CDH23: variants seen among roughly 807,000 people sequenced by gnomAD.
CDH23 encodes the protein cadherin-23.
Under a neutral mutation model 317.1 loss-of-function variants are expected in CDH23, and 189 were observed. The ratio of observed to expected loss-of-function variants is 0.60; its 90% CI spans 0.53 to 0.67. The LOEUF is 0.67. Ranked by LOEUF, CDH23 falls within the 30% of genes least tolerant of loss-of-function variation. CDH23 has a pLI of 0.00. For missense variants in CDH23, 4,401 were observed against 4,592.4 expected, an observed-to-expected ratio of 0.96 and a Z score of 1.20; for synonymous variants, 1,839 against 1,876.8, an observed-to-expected ratio of 0.98 and a Z score of 0.52.
At chr10:71,734,499 T>G in intron 33 of CDH23, 157 bp from the exon 34 acceptor site, 1 of 976,664 alleles carries the variant, frequency 1.0e-6, no homozygotes, top group Non-Finnish European at 1.2e-6. Flanking sequence ...TGCCACACCT[T>G]CCCAGCAGGT....
At chr10:71,594,149 A>C (rs1319662557) in intron 9 of CDH23, among the ~76,000 whole-genome samples, 1 of 152,226 alleles carries the variant, frequency 6.6e-6, no homozygotes, top group East Asian at 1.9e-4. Context: ...TGAGGGTAGT[A>C]AACATGATCT....
At chr10:71,648,104 G>A (rs77826271) in intron 14 of CDH23, among the ~76,000 whole-genome samples, 2,414 of 152,294 alleles carry the variant, frequency 0.016, 67 homozygotes, top group African/African-American at 0.055. Flanking sequence ...CAGATGTTTA[G>A]CCAGTCAGGC....
intron 6 of CDH23, among the ~76,000 whole-genome samples, chr10:71,523,961 G>A (rs61851649): frequency 0.023 from 3,495 of 152,196 alleles, 58 homozygotes; most frequent in African/African-American, 0.043. Context: ...GCCTTTGCAC[G>A]GCCTTTCTAC....
chr10:71,462,017 G>T (rs769253373), intron 3 of CDH23, among the ~76,000 whole-genome samples: 3 of 152,238 alleles, frequency 2.0e-5, no homozygotes, highest in Non-Finnish European at 4.4e-5. Context: ...GTCAGCTCCT[G>T]GCAGCGCCTG....
At chr10:71,791,710 G>C (rs940847936) in intron 47 of CDH23, among the ~76,000 whole-genome samples, 1 of 151,666 alleles carries the variant, frequency 6.6e-6, no homozygotes, top group African/African-American at 2.4e-5. Context: ...CGAGTAGCTG[G>C]GATTACAGGC....
At chr10:71,685,066 G>A (rs948424595) in intron 18 of CDH23, among the ~76,000 whole-genome samples, 1 of 152,196 alleles carries the variant, frequency 6.6e-6, no homozygotes, top group Non-Finnish European at 1.5e-5. Flanking sequence ...ATGTTGACAT[G>A]CTTTCCACCA....
chr10:71,515,394 T>TCTCTCTCTCTCTCTCTCACACACACA (rs1491490493), intron 6 of CDH23, among the ~76,000 whole-genome samples: 3 of 26,622 alleles, frequency 1.1e-4, no homozygotes, highest in South Asian at 1.9e-3. Flanking sequence ...TCTCTCTCTC[T>TCTCTCTCTCTCTCTCTCACACACACA]CACACACACA....
At chr10:71,813,472 A>C in intron 69 of CDH23, 124 bp downstream of exon 69, 1 of 840,304 alleles carries the variant, frequency 1.2e-6, no homozygotes, top group Non-Finnish European at 1.9e-6. Context: ...AAAGACAGCA[A>C]TGGGTGGGGG....
intron 8 of CDH23, among the ~76,000 whole-genome samples, chr10:71,574,210 G>T (rs190478857): frequency 1.3e-5 from 2 of 151,620 alleles, no homozygotes; most frequent in Non-Finnish European, 2.9e-5. Context: ...CTCACAGCAT[G>T]TATGCCTCCC....
At chr10:71,574,088 G>A (rs1857998362) in intron 8 of CDH23, among the ~76,000 whole-genome samples, 1 of 151,950 alleles carries the variant, frequency 6.6e-6, no homozygotes, top group South Asian at 2.1e-4. Context: ...GGCCTGTTCT[G>A]CCTCCCAGGC....
intron 6 of CDH23, among the ~76,000 whole-genome samples, chr10:71,557,757 G>T (rs150668819): frequency 6.6e-6 from 1 of 152,088 alleles, no homozygotes; most frequent in Non-Finnish European, 1.5e-5. Flanking sequence ...ATGAAATTTG[G>T]TGCCACTTTG....
chr10:71,421,544 AC>A, intron 1 of CDH23, among the ~76,000 whole-genome samples: 1 of 152,228 alleles, frequency 6.6e-6, no homozygotes, highest in Non-Finnish European at 1.5e-5. Context: ...CTGGGAAAAT[AC>A]AAAACTCATT....
At chr10:71,714,585 GT>G (rs549602253) in intron 28 of CDH23, 3 of 152,466 alleles carry the variant, frequency 2.0e-5, no homozygotes, top group African/African-American at 7.2e-5. Context: ...AGGTCTTTCA[GT>G]TTTCCTGGAG....
At chr10:71,715,219 G>A (rs1866154761) in intron 28 of CDH23, 2 of 152,332 alleles carry the variant, frequency 1.3e-5, no homozygotes, top group South Asian at 4.1e-4. Context: ...CCTGGCCTCT[G>A]AAGGGAGCCT....
intron 6 of CDH23, among the ~76,000 whole-genome samples, chr10:71,538,232 G>A (rs187935062): frequency 2.0e-5 from 3 of 152,268 alleles, no homozygotes; most frequent in African/African-American, 4.8e-5. Flanking sequence ...AGGGGTTGAC[G>A]AAAGCTGAGA....
intron 6 of CDH23, among the ~76,000 whole-genome samples, chr10:71,544,152 G>A (rs766733694): frequency 6.6e-6 from 1 of 152,156 alleles, no homozygotes. Context: ...CTTTCCTGAG[G>A]TTAGAAGCTA....
chr10:71,658,484 T>A (rs772043093), intron 14 of CDH23, among the ~76,000 whole-genome samples: 1 of 152,242 alleles, frequency 6.6e-6, no homozygotes, highest in Non-Finnish European at 1.5e-5. Flanking sequence ...GTCCCGCCTT[T>A]GAAGCACTCC....
Position 71,807,514 on chromosome 10 carries a change from A to G in CDH23, c.8309-2A>G, listed in dbSNP as rs1204114946. 6.2e-7 allele frequency: 1 copy of G among 1,613,458 alleles called. No individual in the cohort carries two copies. Reference sequence around the variant, plus strand: ...CACCCTGTGCCATGATCCCACCCTCAGCCGGCAACGAAGAGAAGAACTTCC... The same window carrying G: ...CACCCTGTGCCATGATCCCACCCTCGGCCGGCAACGAAGAGAAGAACTTCC... On this transcript the variant is annotated splice_acceptor_variant, in intron 58 of 69. Coordinates refer to ENST00000224721, the MANE Select transcript of CDH23 (RefSeq NM_022124.6). LOFTEE classifies it high-confidence loss of function.
chr10:71,434,604 GC>G (rs1033568874), intron 1 of CDH23, among the ~76,000 whole-genome samples: 2 of 152,110 alleles, frequency 1.3e-5, no homozygotes, highest in Non-Finnish European at 2.9e-5. Context: ...TCCCCAGCCA[GC>G]CCTCAGCCCA....
Sources: gnomAD v4.1 joint callset for allele counts (sites outside exome capture counted in the v4.1 genomes callset) on GRCh38, gnomAD v4.1.1 for gene constraint, MANE v1.5 for transcripts, NCBI Gene and HGNC (gene_info 2026-07-23, HGNC 2026-07-21) for gene names.